Variants in CNTN1 observed in about 807,000 individuals in gnomAD.
The protein encoded by CNTN1 is contactin 1.
In CNTN1, 38 loss-of-function variants were observed where a neutral mutation model predicts 126.4. The ratio of observed to expected loss-of-function variants is 0.30; its 90% confidence interval spans 0.23 to 0.39. CNTN1 has a LOEUF of 0.39. Among genes scored for constraint, CNTN1 ranks in the 10% least tolerant of loss-of-function variants. The pLI is 1.00. For missense variants in CNTN1, 1,009 were observed against 1,248.4 expected, an observed-to-expected ratio of 0.81 and a Z score of 2.89; for synonymous variants, 413 against 422.6, an observed-to-expected ratio of 0.98 and a Z score of 0.28.
At chr12:40,728,008 T>C (rs1264249081) in intron 1 of CNTN1, among the ~76,000 whole-genome samples, 1 of 152,152 alleles carries the variant, frequency 6.6e-6, no homozygotes, top group Non-Finnish European at 1.5e-5. Flanking sequence ...GTAAAGCAGA[T>C]CTTCTTAGGC....
chr12:40,700,903 T>C (rs1485440083), intron 1 of CNTN1, among the ~76,000 whole-genome samples: 3 of 152,260 alleles, frequency 2.0e-5, no homozygotes, highest in Non-Finnish European at 2.9e-5. Flanking sequence ...CTCAAAACTT[T>C]ACAAAACCAG....
intron 1 of CNTN1, among the ~76,000 whole-genome samples, chr12:40,818,456 A>G (rs1941326791): frequency 6.6e-6 from 1 of 151,872 alleles, no homozygotes; most frequent in African/African-American, 2.4e-5. Flanking sequence ...CGCTTTGTCA[A>G]TTCTTCTGTT....
intron 1 of CNTN1, among the ~76,000 whole-genome samples, chr12:40,878,053 A>C (rs1221328185): frequency 7.4e-6 from 1 of 134,372 alleles, no homozygotes; most frequent in African/African-American, 2.8e-5. Flanking sequence ...GCTGGAGTGC[A>C]ATGGCACGAT....
intron 1 of CNTN1, among the ~76,000 whole-genome samples, chr12:40,904,420 CT>C (rs902908083): frequency 8.5e-5 from 12 of 140,516 alleles, no homozygotes; most frequent in African/African-American, 3.1e-4. Context: ...TTCATTCTTT[CT>C]TTTTTTTTCT....
chr12:40,847,309 T>A (rs995315045), intron 1 of CNTN1, among the ~76,000 whole-genome samples: 2 of 152,214 alleles, frequency 1.3e-5, no homozygotes, highest in African/African-American at 4.8e-5. Context: ...TCCTTAGTTT[T>A]TTAGGGATGG....
chr12:40,798,043 G>C (rs1051391817), intron 1 of CNTN1, among the ~76,000 whole-genome samples: 2 of 152,020 alleles, frequency 1.3e-5, no homozygotes, highest in Non-Finnish European at 2.9e-5. Flanking sequence ...ATTTGGACTG[G>C]AGATGTAAGT....
chr12:40,769,796 A>G (rs1939261921), intron 1 of CNTN1, among the ~76,000 whole-genome samples: 1 of 152,136 alleles, frequency 6.6e-6, no homozygotes, highest in African/African-American at 2.4e-5. Flanking sequence ...CTGGCCCTGT[A>G]CTGTTTAGAT....
At chr12:40,980,773 A>G in intron 15 of CNTN1, 136 bp from the exon 16 acceptor site, 1 of 798,220 alleles carries the variant, frequency 1.3e-6, no homozygotes, top group East Asian at 2.4e-5. Context: ...ATCTATATTT[A>G]AAAGAAATGC....
chr12:40,769,816 G>A (rs927878060), intron 1 of CNTN1, among the ~76,000 whole-genome samples: 1 of 151,972 alleles, frequency 6.6e-6, no homozygotes, highest in Non-Finnish European at 1.5e-5. Context: ...TATTTTAAAG[G>A]CAATAATAAA....
At chr12:40,984,655 C>T (rs1947908938) in intron 16 of CNTN1, among the ~76,000 whole-genome samples, 1 of 152,194 alleles carries the variant, frequency 6.6e-6, no homozygotes, top group African/African-American at 2.4e-5. Context: ...TAGGCCCCAC[C>T]TCCAATATTG....
At chr12:40,732,511 G>T (rs1032533194) in intron 1 of CNTN1, among the ~76,000 whole-genome samples, 1 of 151,992 alleles carries the variant, frequency 6.6e-6, no homozygotes. Flanking sequence ...AGACCATGCT[G>T]ACAGTCTGCC....
intron 3 of CNTN1, among the ~76,000 whole-genome samples, chr12:40,911,886 C>A (rs1945051085): frequency 6.6e-6 from 1 of 152,174 alleles, no homozygotes; most frequent in Non-Finnish European, 1.5e-5. Context: ...ACGTCTGAGT[C>A]ATGTGAGGGA....
At chr12:41,038,196 T>G (rs1487036144) in intron 23 of CNTN1, among the ~76,000 whole-genome samples, 2 of 152,116 alleles carry the variant, frequency 1.3e-5, no homozygotes, top group African/African-American at 2.4e-5. Context: ...TTTTAAAAAT[T>G]ACTAATTTAC....
intron 1 of CNTN1, among the ~76,000 whole-genome samples, chr12:40,887,122 G>C (rs1433813874): frequency 1.3e-5 from 2 of 152,028 alleles, no homozygotes; most frequent in Non-Finnish European, 2.9e-5. Context: ...TTGGTAGCTT[G>C]ATGGGGATGG....
chr12:40,840,190 T>G (rs1158607546), intron 1 of CNTN1, among the ~76,000 whole-genome samples: 1 of 151,912 alleles, frequency 6.6e-6, no homozygotes, highest in Non-Finnish European at 1.5e-5. Flanking sequence ...CAAGCAGGAA[T>G]AGCTACATTT....
chr12:40,760,354 T>C (rs974191289), intron 1 of CNTN1, among the ~76,000 whole-genome samples: 6 of 152,176 alleles, frequency 3.9e-5, no homozygotes, highest in African/African-American at 1.4e-4. Context: ...ATCAAAATTA[T>C]ATCACAAATT....
chr12:40,947,577 T>C (rs1283842496), intron 14 of CNTN1, among the ~76,000 whole-genome samples: 2 of 151,902 alleles, frequency 1.3e-5, no homozygotes, highest in African/African-American at 4.8e-5. Context: ...GAATTTTAAA[T>C]ATCTCATTTT....
chr12:40,885,621 T>C (rs927109291), intron 1 of CNTN1, among the ~76,000 whole-genome samples: 6 of 152,032 alleles, frequency 3.9e-5, no homozygotes, highest in Admixed American at 3.9e-4. Context: ...AGAACTCCAA[T>C]GAGAATTAAA....
chr12:40,829,351 CAT>C (rs1387484051), intron 1 of CNTN1, among the ~76,000 whole-genome samples: 1 of 151,738 alleles, frequency 6.6e-6, no homozygotes. Context: ...GTTTATAAAA[CAT>C]AATATATGCA....
Sources: gnomAD v4.1 joint callset for allele counts (sites outside exome capture counted in the v4.1 genomes callset) on GRCh38, gnomAD v4.1.1 for gene constraint, MANE v1.5 for transcripts, NCBI Gene and HGNC (gene_info 2026-07-23, HGNC 2026-07-21) for gene names.